The following RARA variants were observed in gnomAD, a reference collection of about 807,000 sequenced individuals.
The protein encoded by RARA is retinoic acid receptor alpha.
A neutral mutation model predicts 42.8 loss-of-function variants in RARA; 5 were observed. The ratio of observed to expected loss-of-function variants is 0.12; its 90% CI spans 0.06 to 0.25. The LOEUF is 0.25. Among genes scored for constraint, RARA ranks in the 10% least tolerant of loss-of-function variants. The pLI, the probability that RARA is intolerant of heterozygous loss-of-function variation, is 1.00. For synonymous variants in RARA, 256 were observed against 259.5 expected (o/e 0.99, Z 0.13); for missense variants, 402 against 628.7 (o/e 0.64, Z 3.86).
At chr17:40,337,421 G>T (rs2033887583) in intron 2 of RARA, among the ~76,000 whole-genome samples, 2 of 152,072 alleles carry the variant, frequency 1.3e-5, no homozygotes, top group Non-Finnish European at 2.9e-5. Context: ...GGATCCTGAA[G>T]GCTGGAGAGA....
chr17:40,342,983 C>G, intron 2 of RARA: 2 of 1,474,100 alleles, frequency 1.4e-6, no homozygotes, highest in Middle Eastern at 2.5e-4. Flanking sequence ...CTCTACCTTT[C>G]ACTTAACCCG....
intron 1 of RARA, among the ~76,000 whole-genome samples, chr17:40,317,803 A>G (rs1471484820): frequency 6.6e-6 from 1 of 151,668 alleles, no homozygotes; most frequent in Admixed American, 6.6e-5. Context: ...TCCCTAGAAG[A>G]GGATTATAAT....
intron 2 of RARA, chr17:40,341,188 G>C: frequency 1.7e-6 from 1 of 572,286 alleles, no homozygotes; most frequent in Non-Finnish European, 2.7e-6. Flanking sequence ...TAGTCCACTG[G>C]AAGGCACCAG....
intron 2 of RARA, among the ~76,000 whole-genome samples, chr17:40,332,248 G>T (rs545206956): frequency 3.3e-5 from 5 of 152,212 alleles, no homozygotes; most frequent in East Asian, 3.9e-4. Context: ...GGCCAGGGCT[G>T]GGGGGAGGAG....
chr17:40,331,746 T>C (rs1202408703), intron 2 of RARA, among the ~76,000 whole-genome samples: 2 of 152,092 alleles, frequency 1.3e-5, no homozygotes, highest in Non-Finnish European at 2.9e-5. Context: ...ACAAACCTCT[T>C]GACATTTGAT....
chr17:40,333,830 T>C (rs1325495039), intron 2 of RARA, among the ~76,000 whole-genome samples: 1 of 152,090 alleles, frequency 6.6e-6, no homozygotes, highest in African/African-American at 2.4e-5. Flanking sequence ...AGAGACAAGG[T>C]CTCACCATGT....
chr17:40,315,169 T>TATATATATAC (rs2033182818), intron 1 of RARA, among the ~76,000 whole-genome samples: 5 of 107,378 alleles, frequency 4.7e-5, no homozygotes, highest in Non-Finnish European at 7.2e-5. Flanking sequence ...TATATATATA[T>TATATATATAC]ATACACACAC....
rs1347608817 is a variant in RARA at position 40,356,485 on chromosome 17, G to A, written c.*259G>A. 1.5e-6 allele frequency: 1 copy of A among 687,486 alleles called. No homozygotes were observed. Among genetic ancestry groups the A allele is most frequent in the East Asian group, 2.8e-5 (1 of 36,136 alleles). The allele number at this position is 687,486 out of a possible 1,614,324, so 42.6% of individuals were successfully genotyped here. A position where few individuals can be genotyped will look rare whatever the true frequency, so the allele number is the denominator to read the frequency against. ...AACTGAGTGAGGCCCCTGGTCCTGG[G>A]TCTCAGGATGGGTCCTGGGGGCCTC... On this transcript the variant is annotated 3_prime_UTR_variant, in exon 9 of 9. Coordinates refer to ENST00000254066, the MANE Select transcript of RARA (RefSeq NM_000964.4).
rs1438935587 is a variant in RARA, at chr17:40,355,787, G to A, written c.1172-222G>A. 1.3e-5 allele frequency among the ~76,000 whole-genome samples: 2 copies of A among 152,354 alleles called. No individual in the cohort carries two copies. Among genetic ancestry groups the A allele is most frequent in the African/African-American group, 2.4e-5 (1 of 41,572 alleles). ...AAGGGCTTGGCGTCTAGCCCAGGCC[G>A]GCAGTCTGGCCCTGGAGCCGGAGTT... On this transcript the variant is annotated intron_variant, in intron 8 of 8. Coordinates refer to ENST00000254066, the MANE Select transcript of RARA (RefSeq NM_000964.4). This position sits in a 1 kb window ranked among gnomAD's most constrained non-coding sequence, Gnocchi z 4.1.
chr17:40,335,967 C>T (rs1391135282), intron 2 of RARA, among the ~76,000 whole-genome samples: 1 of 152,230 alleles, frequency 6.6e-6, no homozygotes, highest in Non-Finnish European at 1.5e-5. Context: ...CACGCCACTG[C>T]ACTCCAGCCT....
intron 1 of RARA, among the ~76,000 whole-genome samples, chr17:40,325,690 G>A (rs1210808040): frequency 2.0e-5 from 3 of 152,198 alleles, no homozygotes; most frequent in Non-Finnish European, 4.4e-5. Flanking sequence ...AGCTCTGGGT[G>A]TCATTTGCAT....
chr17:40,341,595 C>T, intron 2 of RARA: 1 of 1,360,208 alleles, frequency 7.4e-7, no homozygotes, highest in South Asian at 1.8e-5. Context: ...GGCTGGCGAG[C>T]GGGTGATGTC....
chr17:40,355,453 C>T lies in RARA; in HGVS notation c.1171+32C>T, dbSNP rs765217779. The T allele has an allele frequency of 3.2e-6, 5 of 1,586,338 alleles. No individual in the cohort carries two copies. The highest frequency in any genetic ancestry group is 1.1e-5 in the South Asian group (1 of 88,696). On this transcript the variant is annotated intron_variant, in intron 8 of 8. Transcript: ENST00000254066. The surrounding 1 kb of genome is among the most constrained non-coding windows in gnomAD (Gnocchi z 4.1). ...CTCACAGACCTGGAGGGGTACCGGC[C>T]CCCGACACCTGGCCCAGGCCCCCAC...
intron 1 of RARA, among the ~76,000 whole-genome samples, chr17:40,321,531 C>G (rs1337404314): frequency 2.0e-5 from 3 of 152,190 alleles, no homozygotes; most frequent in Admixed American, 6.5e-5. Context: ...TACATTTTCC[C>G]TGGCTTCCCT....
intron 1 of RARA, among the ~76,000 whole-genome samples, chr17:40,317,780 C>T (rs2033245753): frequency 6.6e-6 from 1 of 151,718 alleles, no homozygotes; most frequent in South Asian, 2.1e-4. Flanking sequence ...ACACAGCTCT[C>T]AGTTCCAGCT....
chr17:40,346,032 C>T (rs550672026), intron 2 of RARA, among the ~76,000 whole-genome samples: 66 of 152,314 alleles, frequency 4.3e-4, no homozygotes, highest in African/African-American at 1.4e-3. Flanking sequence ...GCCTCCAAGG[C>T]AGTCAAGCTG....
In RARA at chr17:40,356,955, T is replaced by G; in HGVS notation, c.*729T>G. The G allele has an allele frequency of 2.6e-6, 1 of 389,950 alleles. No homozygotes were observed. The highest frequency in any genetic ancestry group is 4.8e-6 in the Non-Finnish European group (1 of 209,108). The allele number at this position is 389,950 out of a possible 1,614,324, so 24.2% of individuals were successfully genotyped here. On this transcript the variant is annotated 3_prime_UTR_variant, in exon 9 of 9. Coordinates refer to ENST00000254066, the MANE Select transcript of RARA (RefSeq NM_000964.4). Reference sequence around the variant, plus strand: ...TCCTCAGCCTTTTCCTCCTCAGTTTTCTCTTTAAAACTGTGAAGTACTAAC... The same window carrying G: ...TCCTCAGCCTTTTCCTCCTCAGTTTGCTCTTTAAAACTGTGAAGTACTAAC...
At chr17:40,342,978 C>T in intron 2 of RARA, 1 of 1,480,848 alleles carries the variant, frequency 6.8e-7, no homozygotes, top group Non-Finnish European at 8.9e-7. Context: ...CCTGTCTCTA[C>T]CTTTCACTTA....
At chr17:40,314,714 A>G (rs1481346733) in intron 1 of RARA, among the ~76,000 whole-genome samples, 2 of 151,404 alleles carry the variant, frequency 1.3e-5, no homozygotes, top group Non-Finnish European at 3.0e-5. Context: ...GCTGGGCATC[A>G]CAGTCTTGGT....
Sources: allele counts gnomAD v4.1 joint callset (sites outside exome capture counted in the v4.1 genomes callset), GRCh38; gene constraint gnomAD v4.1.1; non-coding constraint Gnocchi (gnomAD v3.1); transcripts MANE v1.5; gene names NCBI Gene and HGNC (gene_info 2026-07-23, HGNC 2026-07-21).